ZRANB3: variants seen among roughly 807,000 people sequenced by gnomAD.
The protein encoded by ZRANB3 is DNA annealing helicase and endonuclease ZRANB3.
ZRANB3 carries 125 observed loss-of-function variants against 133.8 expected under a neutral mutation model. The ratio of observed to expected loss-of-function variants is 0.93; its 90% CI spans 0.81 to 1.08. ZRANB3 has a LOEUF of 1.08. ZRANB3 is among the 50% of genes least tolerant of loss of function. ZRANB3 has a pLI of 0.00. For synonymous variants in ZRANB3, 387 were observed against 432.7 expected (o/e 0.89, Z 1.31); for missense variants, 1,229 against 1,275.5 (o/e 0.96, Z 0.56).
chr2:135,474,340 C>A (rs1274987416), intron 2 of ZRANB3, among the ~76,000 whole-genome samples: 2 of 152,124 alleles, frequency 1.3e-5, no homozygotes, highest in African/African-American at 4.8e-5. Flanking sequence ...TAAATTTCCT[C>A]TTTCAAGGGA....
intron 3 of ZRANB3, among the ~76,000 whole-genome samples, chr2:135,378,681 A>G (rs1431804458): frequency 6.6e-6 from 1 of 152,228 alleles, no homozygotes; most frequent in East Asian, 1.9e-4. Flanking sequence ...GTGATAAATC[A>G]TATTGATAGT....
In ZRANB3 at chr2:135,426,863, AATATATATATATATATATATATAT is replaced by A; in HGVS notation, c.162-36067_162-36044del. 5.7e-3 allele frequency among the ~76,000 whole-genome samples: 88 copies of A among 15,540 alleles called. 15 individuals carry two copies. The highest frequency in any genetic ancestry group is 0.019 in the African/African-American group (73 of 3,820). 10.2% of individuals were successfully genotyped at this position (15,540 alleles called of 152,430 possible). On this transcript the variant is annotated intron_variant, in intron 2 of 20. Transcript: ENST00000264159. ...AAAAAAAAAAAAAAAAAAAAAAAAAAATATATATATATATATATATATATATATATATATATATATATATATATG... is the reference window on the plus strand; with the variant it reads ...AAAAAAAAAAAAAAAAAAAAAAAAAAATATATATATATATATATATATATG...
At chr2:135,366,989 C>T (rs868475197) in intron 3 of ZRANB3, among the ~76,000 whole-genome samples, 1 of 152,036 alleles carries the variant, frequency 6.6e-6, no homozygotes, top group African/African-American at 2.4e-5. Context: ...CCATTGCACT[C>T]CAGCCTGGGC....
intron 2 of ZRANB3, among the ~76,000 whole-genome samples, chr2:135,465,035 G>C (rs1194059391): frequency 6.6e-6 from 1 of 152,188 alleles, no homozygotes; most frequent in Non-Finnish European, 1.5e-5. Flanking sequence ...TCAGTCTATA[G>C]GAGAGCAAAT....
At chr2:135,453,456 C>CT (rs1690363329) in intron 2 of ZRANB3, among the ~76,000 whole-genome samples, 1 of 152,208 alleles carries the variant, frequency 6.6e-6, no homozygotes, top group African/African-American at 2.4e-5. Context: ...ATTTTCCAAA[C>CT]TTTTATGCTC....
chr2:135,397,366 T>C (rs1687538130), intron 2 of ZRANB3, among the ~76,000 whole-genome samples: 1 of 151,246 alleles, frequency 6.6e-6, no homozygotes. Flanking sequence ...GAGAACTACT[T>C]GAGCCCAGGA....
At chr2:135,204,701 T>C (rs1007918084) in intron 19 of ZRANB3, among the ~76,000 whole-genome samples, 2 of 143,530 alleles carry the variant, frequency 1.4e-5, no homozygotes, top group African/African-American at 5.0e-5. Flanking sequence ...TATACAATAA[T>C]ATATATTATA....
intron 6 of ZRANB3, among the ~76,000 whole-genome samples, chr2:135,330,963 G>A (rs545068473): frequency 4.4e-4 from 67 of 152,148 alleles, no homozygotes; most frequent in African/African-American, 1.5e-3. Context: ...CTTGCTAGTA[G>A]TCTATCAATT....
chr2:135,513,054 A>T (rs887317511), intron 1 of ZRANB3, among the ~76,000 whole-genome samples: 1 of 152,222 alleles, frequency 6.6e-6, no homozygotes, highest in Non-Finnish European at 1.5e-5. Context: ...TTACAAGAAA[A>T]AACATACATA....
At chr2:135,401,160 C>A (rs1169493129) in intron 2 of ZRANB3, among the ~76,000 whole-genome samples, 1 of 152,080 alleles carries the variant, frequency 6.6e-6, no homozygotes, top group Non-Finnish European at 1.5e-5. Context: ...TGAGACATCA[C>A]CAGACACATA....
intron 6 of ZRANB3, among the ~76,000 whole-genome samples, chr2:135,337,744 A>G (rs1266100492): frequency 6.6e-6 from 1 of 152,216 alleles, no homozygotes; most frequent in African/African-American, 2.4e-5. Context: ...CCAAGTCACA[A>G]AACTATATTA....
chr2:135,408,970 A>AT (rs879365322), intron 2 of ZRANB3, among the ~76,000 whole-genome samples: 4 of 152,046 alleles, frequency 2.6e-5, no homozygotes, highest in Non-Finnish European at 5.9e-5. Flanking sequence ...AACTTAGAGT[A>AT]TAAAAAAAAA....
chr2:135,389,723 G>C (rs1299288418), intron 3 of ZRANB3, among the ~76,000 whole-genome samples: 1 of 152,068 alleles, frequency 6.6e-6, no homozygotes, highest in African/African-American at 2.4e-5. Context: ...AGACTACAGA[G>C]ATAAGCCATT....
chr2:135,379,965 G>C (rs1162416606), intron 3 of ZRANB3, among the ~76,000 whole-genome samples: 1 of 151,890 alleles, frequency 6.6e-6, no homozygotes, highest in Non-Finnish European at 1.5e-5. Context: ...GATGGAGGAA[G>C]ATCTACCAAG....
intron 15 of ZRANB3, among the ~76,000 whole-genome samples, chr2:135,223,893 G>C (rs1478745795): frequency 6.6e-6 from 1 of 152,210 alleles, no homozygotes; most frequent in Non-Finnish European, 1.5e-5. Flanking sequence ...GCTGCTGCAA[G>C]TGATCATTGC....
At chr2:135,318,218 G>T (rs1029504724) in intron 6 of ZRANB3, among the ~76,000 whole-genome samples, 9 of 112,386 alleles carry the variant, frequency 8.0e-5, no homozygotes, top group African/African-American at 2.6e-4. Flanking sequence ...TATTTTGTGT[G>T]TGTGTGTGTG....
chr2:135,347,661 T>A lies in ZRANB3; in HGVS notation c.592-2026A>T, dbSNP rs79725993. ...TAACATTTTAAGTAACTCCTAAATTTTTCTAAAGTGACTTCAGTGCTTTAT... is the reference window on the plus strand; with the variant it reads ...TAACATTTTAAGTAACTCCTAAATTATTCTAAAGTGACTTCAGTGCTTTAT... On this transcript the variant is annotated intron_variant, in intron 5 of 20. Coordinates refer to ENST00000264159, the MANE Select transcript of ZRANB3 (RefSeq NM_032143.4). 7.1e-3 allele frequency among the ~76,000 whole-genome samples: 1,085 copies of A among 152,302 alleles called. 11 individuals carry two copies. Among genetic ancestry groups the A allele is most frequent in the African/African-American group, 0.024 (1,015 of 41,568 alleles).
intron 2 of ZRANB3, among the ~76,000 whole-genome samples, chr2:135,497,752 T>C (rs1255078338): frequency 2.0e-5 from 3 of 152,080 alleles, no homozygotes; most frequent in Admixed American, 1.3e-4. Context: ...TAAAAATAAA[T>C]TTAAAAATAA....
At chr2:135,502,863 A>G (rs1399952437) in intron 2 of ZRANB3, among the ~76,000 whole-genome samples, 1 of 152,258 alleles carries the variant, frequency 6.6e-6, no homozygotes, top group African/African-American at 2.4e-5. Flanking sequence ...GAAAAACACC[A>G]GATATATAAC....
Sources: gnomAD v4.1 joint callset for allele counts (sites outside exome capture counted in the v4.1 genomes callset) on GRCh38, gnomAD v4.1.1 for gene constraint, MANE v1.5 for transcripts, NCBI Gene and HGNC (gene_info 2026-07-23, HGNC 2026-07-21) for gene names.